UGT1A8: variants seen among roughly 807,000 people sequenced by gnomAD.
The protein encoded by UGT1A8 is UDP-glucuronosyltransferase 1A8.
A neutral mutation model predicts 45.3 loss-of-function variants in UGT1A8; 39 were observed. The observed-to-expected ratio is 0.86, with a 90% CI of 0.67 to 1.12. UGT1A8 has a LOEUF of 1.12. UGT1A8 is among the 50% of genes most tolerant of loss of function. The probability of loss-of-function intolerance (pLI) is 0.00; values close to 1 mark genes in which losing one functional copy is unlikely to be tolerated. For synonymous variants in UGT1A8, 275 were observed against 249.2 expected, an observed-to-expected ratio of 1.10 and a Z score of -0.97; for missense variants, 719 against 664.9, an observed-to-expected ratio of 1.08 and a Z score of -0.90.
intron 1 of UGT1A8, among the ~76,000 whole-genome samples, chr2:233,720,962 C>T (rs370196629): frequency 1.3e-4 from 20 of 151,468 alleles, no homozygotes; most frequent in African/African-American, 2.7e-4. Flanking sequence ...CTGCCCGCCT[C>T]GGCCTCCCAA....
chr2:233,633,697 C>T (rs1225158210), intron 1 of UGT1A8, among the ~76,000 whole-genome samples: 1 of 152,084 alleles, frequency 6.6e-6, no homozygotes, highest in Non-Finnish European at 1.5e-5. Context: ...ATTCTTCTCT[C>T]TTTTCTTCTT....
At chr2:233,663,542 A>T (rs2074015208) in intron 1 of UGT1A8, among the ~76,000 whole-genome samples, 1 of 152,094 alleles carries the variant, frequency 6.6e-6, no homozygotes, top group East Asian at 1.9e-4. Context: ...TGATCTTAGG[A>T]GTGGTTTAGG....
At chr2:233,770,445 G>A (rs1397015735) in intron 4 of UGT1A8, 1 of 152,118 alleles carries the variant, frequency 6.6e-6, no homozygotes, top group Middle Eastern at 3.2e-3. Flanking sequence ...CTTGAGGTTA[G>A]GAGTTCGAAA....
At chr2:233,670,882 A>G (rs563109203) in intron 1 of UGT1A8, among the ~76,000 whole-genome samples, 1 of 152,236 alleles carries the variant, frequency 6.6e-6, no homozygotes, top group African/African-American at 2.4e-5. Context: ...TGATAGAACC[A>G]ATCCAGAAAA....
chr2:233,621,168 A>G (rs1052850207), intron 1 of UGT1A8, among the ~76,000 whole-genome samples: 3 of 152,158 alleles, frequency 2.0e-5, no homozygotes, highest in Non-Finnish European at 4.4e-5. Flanking sequence ...TGAGATTTGG[A>G]GGGGATAAAC....
At chr2:233,747,916 C>A in intron 1 of UGT1A8, 1 of 1,613,518 alleles carries the variant, frequency 6.2e-7, no homozygotes, top group South Asian at 1.1e-5. Context: ...GCAAGCCTTG[C>A]CTCTGAGCTT....
intron 1 of UGT1A8, among the ~76,000 whole-genome samples, chr2:233,731,764 G>C (rs533999102): frequency 6.6e-6 from 1 of 152,196 alleles, no homozygotes; most frequent in East Asian, 1.9e-4. Context: ...TGTGTCCTTA[G>C]AGTAGTATCA....
chr2:233,706,757 A>G (rs2075922753), intron 1 of UGT1A8, among the ~76,000 whole-genome samples: 1 of 152,212 alleles, frequency 6.6e-6, no homozygotes, highest in African/African-American at 2.4e-5. Context: ...AGAGTGCCGT[A>G]CACTGGTATC....
chr2:233,681,847 T>A (rs1333071945), intron 1 of UGT1A8: 1 of 1,518,354 alleles, frequency 6.6e-7, no homozygotes, highest in African/African-American at 1.4e-5. Flanking sequence ...ACACGCCTTC[T>A]TTTGAGGGCA....
intron 1 of UGT1A8, among the ~76,000 whole-genome samples, chr2:233,758,016 C>T (rs917731402): frequency 6.6e-6 from 1 of 152,144 alleles, no homozygotes; most frequent in African/African-American, 2.4e-5. Context: ...GAGTTTGTCT[C>T]TGTCTACCTG....
At chr2:233,764,334 G>A (rs1470444566) in intron 1 of UGT1A8, among the ~76,000 whole-genome samples, 1 of 152,188 alleles carries the variant, frequency 6.6e-6, no homozygotes, top group Non-Finnish European at 1.5e-5. Flanking sequence ...AGTAGGGGAT[G>A]GACTTCACCT....
chr2:233,680,386 TAGCAAC>T (rs1195994691), intron 1 of UGT1A8, among the ~76,000 whole-genome samples: 4 of 152,186 alleles, frequency 2.6e-5, no homozygotes, highest in African/African-American at 7.2e-5. Flanking sequence ...CTCCCTGCAA[TAGCAAC>T]AGGAGGTAGC....
intron 1 of UGT1A8, among the ~76,000 whole-genome samples, chr2:233,625,119 T>A (rs545089293): frequency 6.6e-6 from 1 of 152,232 alleles, no homozygotes; most frequent in Non-Finnish European, 1.5e-5. Context: ...TAGTATTATA[T>A]CCTGTATTAT....
intron 1 of UGT1A8, among the ~76,000 whole-genome samples, chr2:233,751,848 C>G (rs1317042286): frequency 6.6e-6 from 1 of 152,136 alleles, no homozygotes. Context: ...GTCATTTAAA[C>G]CTTTGTCTTT....
intron 1 of UGT1A8, among the ~76,000 whole-genome samples, chr2:233,623,879 A>G (rs777445777): frequency 2.0e-5 from 3 of 152,158 alleles, no homozygotes; most frequent in Non-Finnish European, 2.9e-5. Context: ...ATTTGCAGAG[A>G]TCATCCAGAC....
At chr2:233,636,960 T>C (rs377128796) in intron 1 of UGT1A8, 1 of 1,614,068 alleles carries the variant, frequency 6.2e-7, no homozygotes, top group Non-Finnish European at 8.5e-7. Context: ...ATGCAGTGTT[T>C]CTGGATCCTT....
chr2:233,682,756 T>C, intron 1 of UGT1A8: 1 of 1,613,846 alleles, frequency 6.2e-7, no homozygotes, highest in South Asian at 1.1e-5. Context: ...TCTTCATTGG[T>C]GGTATCAACT....
chr2:233,769,689 T>C lies in UGT1A8; in HGVS notation c.1295+1250T>C. On this transcript the variant is annotated intron_variant, in intron 4 of 4. Transcript: ENST00000373450. This position sits in a 1 kb window ranked among gnomAD's most constrained non-coding sequence, Gnocchi z 4.4. ...GGTGCTAATGTGTGTGTGGTGGCAC[T>C]GGATAAAAGATCAATGTTGGCTAGG... 6.5e-7 allele frequency: 1 copy of C among 1,550,140 alleles called. No homozygotes were observed. Among genetic ancestry groups the C allele is most frequent in the Non-Finnish European group, 8.7e-7 (1 of 1,147,494 alleles).
Position 233,769,424 on chromosome 2 carries a change from G to T in UGT1A8, c.1295+985G>T. 2 of 1,481,600 alleles carry T rather than the reference G, an allele frequency of 1.3e-6. No homozygotes were observed. The highest frequency in any genetic ancestry group is 1.8e-4 in the Middle Eastern group (1 of 5,630). 91.8% of individuals were successfully genotyped at this position (1,481,600 alleles called of 1,614,324 possible). Reference sequence around the variant, plus strand: ...ATGTGCGTGTGCGTTTGTGCATGTGGCTGTGCTCATGTGTGGGTGCACACG... The same window carrying T: ...ATGTGCGTGTGCGTTTGTGCATGTGTCTGTGCTCATGTGTGGGTGCACACG... On this transcript the variant is annotated intron_variant, in intron 4 of 4. Coordinates refer to ENST00000373450, the MANE Select transcript of UGT1A8 (RefSeq NM_019076.5). This position sits in a 1 kb window ranked among gnomAD's most constrained non-coding sequence, Gnocchi z 4.4.
Sources: allele counts gnomAD v4.1 joint callset (sites outside exome capture counted in the v4.1 genomes callset), GRCh38; gene constraint gnomAD v4.1.1; non-coding constraint Gnocchi (gnomAD v3.1); transcripts MANE v1.5; gene names NCBI Gene and HGNC (gene_info 2026-07-23, HGNC 2026-07-21).